Variants in C8A observed in about 807,000 individuals in gnomAD.
C8A encodes complement C8 alpha chain, also known as complement component C8 alpha chain.
A neutral mutation model predicts 65.3 loss-of-function variants in C8A; 67 were observed. The observed-to-expected ratio is 1.03, with a 90% CI of 0.84 to 1.26. C8A has a LOEUF of 1.26. Among genes scored for constraint, C8A ranks in the 50% most tolerant of loss-of-function variants. C8A has a pLI of 0.00. For synonymous variants in C8A, 290 were observed against 259.4 expected, an observed-to-expected ratio of 1.12 and a Z score of -1.13; for missense variants, 781 against 723.9, an observed-to-expected ratio of 1.08 and a Z score of -0.90.
chr1:56,873,487 T>C (rs564698621), intron 2 of C8A, among the ~76,000 whole-genome samples: 9 of 152,294 alleles, frequency 5.9e-5, no homozygotes, highest in African/African-American at 1.7e-4. Flanking sequence ...ATGTCCATGC[T>C]CTGTCAACTG....
chr1:56,860,925 A>G (rs1210540775), intron 1 of C8A, among the ~76,000 whole-genome samples: 1 of 152,200 alleles, frequency 6.6e-6, no homozygotes, highest in Non-Finnish European at 1.5e-5. Flanking sequence ...AGTCCAAGAG[A>G]TGAAAGTTCT....
At chr1:56,884,723 T>C (rs1557705121) in intron 6 of C8A, among the ~76,000 whole-genome samples, 1 of 152,162 alleles carries the variant, frequency 6.6e-6, no homozygotes. Flanking sequence ...CATCTTCCTG[T>C]AAAACCAATC....
rs374131338 is a variant in C8A at position 56,881,547 on chromosome 1, A to T, written c.567A>T (p.Arg189=). The T allele has an allele frequency of 3.5e-5, 56 of 1,613,718 alleles. No individual in the cohort carries two copies. The highest frequency in any genetic ancestry group is 1.1e-4 in the African/African-American group (8 of 74,902). ...ACAATGGGGAATGGAGGGAGCTTCG[A>T]TATGACTCCACCTGTGAACGTCTCT... ...TVYNGEWREL[R]YDSTCERLYY... Residue 189 remains arginine, a synonymous_variant, in exon 5 of 11, where the codon CGA becomes CGT. Coordinates refer to ENST00000361249, the MANE Select transcript of C8A (RefSeq NM_000562.3).
chr1:56,869,917 C>A (rs1333969165), intron 2 of C8A, among the ~76,000 whole-genome samples: 1 of 152,158 alleles, frequency 6.6e-6, no homozygotes, highest in African/African-American at 2.4e-5. Context: ...TGGGAATGTT[C>A]CTGATGAGTT....
chr1:56,905,273 G>A (rs1049491579), intron 7 of C8A, among the ~76,000 whole-genome samples: 2 of 152,126 alleles, frequency 1.3e-5, no homozygotes, highest in Non-Finnish European at 2.9e-5. Context: ...AGGGGTCTTG[G>A]AGATGACAAC....
chr1:56,885,816 C>T (rs894081772), intron 6 of C8A, 111 bp from the exon 7 acceptor site: 3 of 1,457,638 alleles, frequency 2.1e-6, no homozygotes, highest in Non-Finnish European at 9.5e-7. Flanking sequence ...TCCCAAAATG[C>T]TGGGATTACA....
At chr1:56,913,425 T>C (rs1277909535) in intron 10 of C8A, among the ~76,000 whole-genome samples, 1 of 152,212 alleles carries the variant, frequency 6.6e-6, no homozygotes, top group Non-Finnish European at 1.5e-5. Flanking sequence ...AACTGCAACA[T>C]GAACCAACTG....
chr1:56,885,145 C>A (rs1269258654), intron 6 of C8A, among the ~76,000 whole-genome samples: 4 of 151,360 alleles, frequency 2.6e-5, no homozygotes, highest in Admixed American at 2.6e-4. Flanking sequence ...TTGACCTAGG[C>A]AGGGGCAATG....
At chr1:56,910,441 A>G (rs370572053) in intron 9 of C8A, among the ~76,000 whole-genome samples, 1 of 151,966 alleles carries the variant, frequency 6.6e-6, no homozygotes, top group East Asian at 1.9e-4. Flanking sequence ...CCACCAGTCC[A>G]CCCTATGGAG....
chr1:56,897,379 G>A (rs1341869946), intron 7 of C8A, among the ~76,000 whole-genome samples: 6 of 152,194 alleles, frequency 3.9e-5, no homozygotes, highest in Non-Finnish European at 8.8e-5. Flanking sequence ...TTGCATGTCG[G>A]AAGAAGTGTC....
chr1:56,912,564 C>T lies in C8A; in HGVS notation c.1542C>T (p.Ser514=), dbSNP rs755002323. Residue 514 remains serine, a synonymous_variant, in exon 10 of 11, where the codon AGC becomes AGT. Transcript: ENST00000361249. ...GGGTGCCCATCCTCGAGGGCACCAG[C>T]TGCAGGTGCCAGTGCCGCCTGGGTA... The part of the protein sequence containing the change: ...NNGVPILEGT[S]CRCQCRLGSL... 1.2e-5 allele frequency: 20 copies of T among 1,614,110 alleles called. No homozygotes were observed. In the East Asian group the frequency reaches 4.0e-4, roughly 32 times the overall value.
chr1:56,914,301 G>A (rs774724897), intron 10 of C8A, among the ~76,000 whole-genome samples: 8 of 151,876 alleles, frequency 5.3e-5, no homozygotes, highest in East Asian at 1.9e-4. Context: ...AATGAGGGAG[G>A]GGGATAGATG....
At chr1:56,864,579 T>A (rs1644066282) in intron 1 of C8A, among the ~76,000 whole-genome samples, 1 of 151,422 alleles carries the variant, frequency 6.6e-6, no homozygotes, top group African/African-American at 2.4e-5. Context: ...TTTTAGAGAG[T>A]GAGAAGGTTC....
intron 3 of C8A, 79 bp downstream of exon 3, chr1:56,875,172 A>C: frequency 6.7e-7 from 1 of 1,501,140 alleles, no homozygotes; most frequent in Non-Finnish European, 9.1e-7. Context: ...AGCTTATTAA[A>C]ATGCATACTC....
At chr1:56,864,628 C>G (rs534218982) in intron 1 of C8A, among the ~76,000 whole-genome samples, 1 of 152,112 alleles carries the variant, frequency 6.6e-6, no homozygotes, top group South Asian at 2.1e-4. Flanking sequence ...AAGGAGCAAC[C>G]GAGCAACCAG....
In C8A at chr1:56,859,656, A is replaced by T. The variant is rs1644011389; in HGVS notation, c.77+4678A>T. On this transcript the variant is annotated intron_variant, in intron 1 of 10. Coordinates refer to ENST00000361249, the MANE Select transcript of C8A (RefSeq NM_000562.3). Reference sequence around the variant, plus strand: ...TTATTTATTCATTCATTCAATAAATAAATATTACATGTATGCTAGGTGTTA... The same window carrying T: ...TTATTTATTCATTCATTCAATAAATTAATATTACATGTATGCTAGGTGTTA... Among the ~76,000 whole-genome samples, 3 of 152,246 alleles carry T rather than the reference A, an allele frequency of 2.0e-5. No individual in the cohort carries two copies. The South Asian group carries it at 6.2e-4, about 32-fold the overall frequency.
chr1:56,884,350 C>T (rs1212596689), intron 6 of C8A, among the ~76,000 whole-genome samples: 1 of 152,076 alleles, frequency 6.6e-6, no homozygotes, highest in Non-Finnish European at 1.5e-5. Flanking sequence ...GAAAGGAAAA[C>T]AGAGAGTGAT....
At chr1:56,863,694 G>T (rs922618295) in intron 1 of C8A, among the ~76,000 whole-genome samples, 4 of 152,152 alleles carry the variant, frequency 2.6e-5, no homozygotes, top group African/African-American at 7.2e-5. Flanking sequence ...AAATACGTGT[G>T]TAACCAACCC....
chr1:56,908,059 AT>A lies in C8A; in HGVS notation c.1327del (p.Tyr443ThrfsTer8). 1 of 1,614,156 alleles carries A rather than the reference AT, an allele frequency of 6.2e-7. No homozygotes were observed. The highest frequency in any genetic ancestry group is 8.5e-7 in the Non-Finnish European group (1 of 1,180,008). On this transcript the variant is annotated frameshift_variant, in exon 9 of 11. Transcript: ENST00000361249. LOFTEE classifies it high-confidence loss of function. ...TGGCACAGAACAGGAGCACCATTAC[AT>A]ACCGTTCCTGGGGGAGGTCATTAAA... ...GLAQNRSTITYRSWGRSLKYN... is the reference protein window; with the variant it reads ...GLAQNRSTITXRSWGRSLKYN...
Sources: allele counts gnomAD v4.1 joint callset (sites outside exome capture counted in the v4.1 genomes callset), GRCh38; gene constraint gnomAD v4.1.1; transcripts MANE v1.5; gene names NCBI Gene and HGNC (gene_info 2026-07-23, HGNC 2026-07-21).